The following ELP2 variants were observed in gnomAD, a reference collection of about 807,000 sequenced individuals.
ELP2 encodes the protein elongator acetyltransferase complex subunit 2.
ELP2 carries 90 observed loss-of-function variants against 119.2 expected under a neutral mutation model. The ratio of observed to expected loss-of-function variants is 0.75; its 90% CI spans 0.64 to 0.90. The LOEUF is 0.90. Ranked by LOEUF, ELP2 falls within the 40% of genes least tolerant of loss-of-function variation. The pLI is 0.00. For missense variants in ELP2, 921 were observed against 967.8 expected (o/e 0.95, Z 0.64); for synonymous variants, 339 against 331.0 (o/e 1.02, Z -0.26).
chr18:36,130,167 G>T, intron 1 of ELP2, 96 bp downstream of exon 1: 1 of 1,542,992 alleles, frequency 6.5e-7, no homozygotes, highest in South Asian at 1.1e-5. Context: ...CCAGACCTAG[G>T]AGGCGAGTCG....
intron 11 of ELP2, among the ~76,000 whole-genome samples, chr18:36,153,844 C>T (rs187947535): frequency 2.5e-4 from 38 of 151,820 alleles, no homozygotes; most frequent in Non-Finnish European, 3.7e-4. Context: ...AGAGTTTCCA[C>T]GTCCCTCTAC....
rs149089477 is a variant in ELP2 at position 36,158,423 on chromosome 18, G to T, written c.1465-412G>T. On this transcript the variant is annotated intron_variant, in intron 13 of 21. Coordinates refer to ENST00000358232, the MANE Select transcript of ELP2 (RefSeq NM_018255.4). Reference sequence around the variant, plus strand: ...AACTGTTCCCTTCTGGGAAGCATCTGTGTTTATATGAGCATCATCAGGGGA... The same window carrying T: ...AACTGTTCCCTTCTGGGAAGCATCTTTGTTTATATGAGCATCATCAGGGGA... 7.8e-4 allele frequency: 133 copies of T among 170,608 alleles called. 3 individuals carry two copies. In the East Asian group the frequency reaches 0.018, roughly 24 times the overall value. The allele number at this position is 170,608 out of a possible 1,614,324, so 10.6% of individuals were successfully genotyped here. A position where few individuals can be genotyped will look rare whatever the true frequency, so the allele number is the denominator to read the frequency against.
At chr18:36,159,081 G>A (rs2090653599) in intron 14 of ELP2, among the ~76,000 whole-genome samples, 177 bp downstream of exon 14, 1 of 150,276 alleles carries the variant, frequency 6.7e-6, no homozygotes, top group East Asian at 1.9e-4. Flanking sequence ...GACCACTGAA[G>A]TAGATGCAGT....
At chr18:36,157,973 C>T (rs1042224480) in intron 13 of ELP2, among the ~76,000 whole-genome samples, 2 of 152,158 alleles carry the variant, frequency 1.3e-5, no homozygotes, top group African/African-American at 4.8e-5. Flanking sequence ...TCCTAAGATA[C>T]AGGGATCCTG....
chr18:36,139,575 A>G (rs2089951616), intron 5 of ELP2: 1 of 1,535,238 alleles, frequency 6.5e-7, no homozygotes, highest in Non-Finnish European at 8.7e-7. Flanking sequence ...TTCTGGCATC[A>G]TAACAGAATT....
chr18:36,134,844 T>C (rs2089770682), intron 2 of ELP2, among the ~76,000 whole-genome samples: 1 of 152,232 alleles, frequency 6.6e-6, no homozygotes, highest in East Asian at 1.9e-4. Context: ...ACTGTAGTTT[T>C]GATATGGGTT....
chr18:36,155,521 A>G (rs148560208), intron 12 of ELP2, among the ~76,000 whole-genome samples: 3 of 152,308 alleles, frequency 2.0e-5, no homozygotes, highest in East Asian at 3.9e-4. Flanking sequence ...ATACATTGCT[A>G]TTGGGGATGC....
Position 36,142,716 on chromosome 18 carries a change from TG to T in ELP2, c.656-109del, listed in dbSNP as rs528252879. 675 of 737,962 alleles carry T rather than the reference TG, an allele frequency of 9.1e-4. 5 individuals carry two copies. In the African/African-American group the frequency reaches 0.011, roughly 12 times the overall value. 45.7% of individuals were successfully genotyped at this position (737,962 alleles called of 1,614,324 possible). On this transcript the variant is annotated intron_variant, in intron 7 of 21. Coordinates refer to ENST00000358232, the MANE Select transcript of ELP2 (RefSeq NM_018255.4). ...ATTGGAGGGTAAGGAAACAAAGTATTGTTTTTTTTCTGGAAAATCTGGAAAT... is the reference window on the plus strand; with the variant it reads ...ATTGGAGGGTAAGGAAACAAAGTATTTTTTTTTTCTGGAAAATCTGGAAAT...
At chr18:36,166,800 A>G (rs1458981626) in intron 18 of ELP2, 3 of 208,414 alleles carry the variant, frequency 1.4e-5, no homozygotes, top group East Asian at 1.1e-4. Context: ...GAGTAAGGCT[A>G]AATAGCTTCA....
In ELP2 at chr18:36,166,326, T is replaced by TTG. The variant is rs1555645874; in HGVS notation, c.1955-774_1955-773insGT. On this transcript the variant is annotated intron_variant, in intron 18 of 21. Coordinates refer to ENST00000358232, the MANE Select transcript of ELP2 (RefSeq NM_018255.4). ...TGGTTTTTGTTTTTTAGGGTTTTTT[T>TTG]TTTTTTTTTTTTTTTTTTTTTCAGA... Among the ~76,000 whole-genome samples, 6 of 89,120 alleles carry TTG rather than the reference T, an allele frequency of 6.7e-5. 1 individual carries two copies. The highest frequency in any genetic ancestry group is 6.1e-4 in the East Asian group (2 of 3,290). 58.5% of individuals were successfully genotyped at this position (89,120 alleles called of 152,430 possible).
At chr18:36,151,742 GTTTTTTTTTTT>G (rs71166098) in intron 11 of ELP2, among the ~76,000 whole-genome samples, 219 of 109,824 alleles carry the variant, frequency 2.0e-3, no homozygotes, top group Middle Eastern at 0.013. Flanking sequence ...GTTCTGTTCT[GTTTTTTTTTTT>G]TTTTTTTTTT....
Position 36,136,294 on chromosome 18 carries a change from T to A in ELP2, c.218-13T>A. 6.3e-7 allele frequency: 1 copy of A among 1,596,958 alleles called. No individual in the cohort carries two copies. Among genetic ancestry groups the A allele is most frequent in the Non-Finnish European group, 8.6e-7 (1 of 1,164,400 alleles). On this transcript the variant is annotated splice_polypyrimidine_tract_variant and intron_variant, in intron 2 of 21. Transcript: ENST00000358232. ...ATGAATAAAGATATTTACTGAGATA[T>A]AATTTTTTTCAGCCCCTTCTACTGA...
At chr18:36,173,648 C>T (rs900864945) in intron 21 of ELP2, among the ~76,000 whole-genome samples, 11 of 152,134 alleles carry the variant, frequency 7.2e-5, no homozygotes, top group African/African-American at 2.7e-4. Context: ...AAATGGGTTT[C>T]GTGACTTCAT....
chr18:36,140,766 C>T (rs953226066), intron 5 of ELP2, among the ~76,000 whole-genome samples: 1 of 152,164 alleles, frequency 6.6e-6, no homozygotes, highest in Non-Finnish European at 1.5e-5. Flanking sequence ...TGGTAGGGCT[C>T]ATAGTAGCTG....
chr18:36,131,405 C>A (rs910936962), intron 1 of ELP2, among the ~76,000 whole-genome samples: 1 of 152,228 alleles, frequency 6.6e-6, no homozygotes, highest in Non-Finnish European at 1.5e-5. Context: ...CATCATCTCC[C>A]ACAGCGTCTC....
rs1289665748 is a variant in ELP2, at chr18:36,178,059, C to T, written c.*3418C>T. 2 of 152,174 alleles carry T rather than the reference C, an allele frequency of 1.3e-5. No individual in the cohort carries two copies. The highest frequency in any genetic ancestry group is 1.9e-4 in the East Asian group (1 of 5,182). 9.4% of individuals were successfully genotyped at this position (152,174 alleles called of 1,614,324 possible). A position where few individuals can be genotyped will look rare whatever the true frequency, so the allele number is the denominator to read the frequency against. On this transcript the variant is annotated 3_prime_UTR_variant, in exon 22 of 22. Coordinates refer to ENST00000358232, the MANE Select transcript of ELP2 (RefSeq NM_018255.4). Reference sequence around the variant, plus strand: ...GAGCCAAGCTAACACAAAGCTGTTGCTGCTAGTGGGAACAGCCCTGATGTC... The same window carrying T: ...GAGCCAAGCTAACACAAAGCTGTTGTTGCTAGTGGGAACAGCCCTGATGTC...
chr18:36,143,945 G>C (rs1046977748), intron 8 of ELP2, among the ~76,000 whole-genome samples: 1 of 152,174 alleles, frequency 6.6e-6, no homozygotes, highest in African/African-American at 2.4e-5. Context: ...CTCACCATTT[G>C]AGTAGTATAT....
intron 8 of ELP2, among the ~76,000 whole-genome samples, chr18:36,144,172 C>T (rs992918976): frequency 4.6e-5 from 7 of 150,866 alleles, no homozygotes; most frequent in Admixed American, 1.3e-4. Context: ...ATGGGGAGAA[C>T]GAAAAAATGA....
At chr18:36,133,175 CTTAT>C (rs1204397556) in intron 1 of ELP2, 59 bp from the exon 2 acceptor site, 5 of 1,129,484 alleles carry the variant, frequency 4.4e-6, no homozygotes, top group African/African-American at 3.1e-5. Flanking sequence ...TCTGTTTTTA[CTTAT>C]TTATTAATTT....
Sources: gnomAD v4.1 joint callset for allele counts (sites outside exome capture counted in the v4.1 genomes callset) on GRCh38, gnomAD v4.1.1 for gene constraint, MANE v1.5 for transcripts, NCBI Gene and HGNC (gene_info 2026-07-23, HGNC 2026-07-21) for gene names.